DNER: variants seen among roughly 807,000 people sequenced by gnomAD.
The protein encoded by DNER is delta/notch like EGF repeat containing, also known as delta and Notch-like epidermal growth factor-related receptor.
DNER carries 33 observed loss-of-function variants against 78.2 expected under a neutral mutation model. That is an observed-to-expected ratio of 0.42 (90% CI 0.32 to 0.56). DNER has a LOEUF of 0.56. Ranked by LOEUF, DNER falls within the 20% of genes least tolerant of loss-of-function variation. The pLI, the probability that DNER is intolerant of heterozygous loss-of-function variation, is 0.11. For synonymous variants in DNER, 417 were observed against 384.8 expected (o/e 1.08, Z -0.98); for missense variants, 918 against 975.3 (o/e 0.94, Z 0.78).
chr2:229,707,180 ATTTTTTTTTTTTT>A (rs397868353), intron 1 of DNER, among the ~76,000 whole-genome samples: 1 of 94,610 alleles, frequency 1.1e-5, no homozygotes, highest in Non-Finnish European at 1.9e-5. Flanking sequence ...CGGCTGGCTA[ATTTTTTTTTTTTT>A]TTTTTTTTTT....
chr2:229,615,209 T>C (rs1226530025), intron 1 of DNER, among the ~76,000 whole-genome samples: 89 of 146,612 alleles, frequency 6.1e-4, no homozygotes, highest in Non-Finnish European at 7.6e-4. Context: ...GTCAGGAGTT[T>C]GAGACCAGCC....
At chr2:229,688,782 G>A (rs927804964) in intron 1 of DNER, among the ~76,000 whole-genome samples, 2 of 152,120 alleles carry the variant, frequency 1.3e-5, no homozygotes, top group Non-Finnish European at 2.9e-5. Context: ...GGATAATGTG[G>A]CACATACACA....
intron 4 of DNER, among the ~76,000 whole-genome samples, chr2:229,563,495 C>G (rs1574904549): frequency 6.7e-6 from 1 of 149,230 alleles, no homozygotes; most frequent in Non-Finnish European, 1.5e-5. Flanking sequence ...ATCCTCACCC[C>G]ATCATCATCA....
chr2:229,585,772 C>A, intron 4 of DNER, 86 bp downstream of exon 4: 1 of 1,456,808 alleles, frequency 6.9e-7, no homozygotes, highest in Non-Finnish European at 9.4e-7. Flanking sequence ...ATTATCTGAG[C>A]AAAATTCCCT....
chr2:229,701,442 C>A (rs927711861), intron 1 of DNER, among the ~76,000 whole-genome samples: 9 of 152,186 alleles, frequency 5.9e-5, no homozygotes, highest in African/African-American at 2.2e-4. Context: ...TTGGGACACA[C>A]TTATACAAAA....
chr2:229,410,770 C>A (rs1020984112), intron 9 of DNER, among the ~76,000 whole-genome samples: 1 of 152,164 alleles, frequency 6.6e-6, no homozygotes, highest in African/African-American at 2.4e-5. Context: ...AAGCAGTACA[C>A]CAATTATAAG....
chr2:229,495,863 C>T (rs944651989), intron 6 of DNER, among the ~76,000 whole-genome samples: 4 of 152,214 alleles, frequency 2.6e-5, no homozygotes, highest in Non-Finnish European at 5.9e-5. Context: ...CTCACTCATT[C>T]TCATATCATG....
At position 229,418,127 on chromosome 2, in the gene DNER, C is replaced by T. The variant is rs370898120; in HGVS notation, c.1590G>A (p.Val530=). The T allele has an allele frequency of 1.2e-6, 2 of 1,614,172 alleles. No homozygotes were observed. Among genetic ancestry groups the T allele is most frequent in the Non-Finnish European group, 1.7e-6 (2 of 1,180,004 alleles). Residue 530 remains valine (V), a synonymous_variant, in exon 9 of 13, where the codon GTG becomes GTA. Coordinates refer to ENST00000341772, the MANE Select transcript of DNER (RefSeq NM_139072.4). Reference sequence around the variant, plus strand: ...TCTCACCTTTGTATTCTGCCAGGCACACACACTCATAGCCATTAACGAGGT... The same window carrying T: ...TCTCACCTTTGTATTCTGCCAGGCATACACACTCATAGCCATTAACGAGGT... The part of the protein sequence containing the change: ...CRDLVNGYEC[V]CLAEYKGTHC...
intron 8 of DNER, among the ~76,000 whole-genome samples, chr2:229,428,061 C>T (rs1420108383): frequency 4.8e-5 from 6 of 126,010 alleles, no homozygotes; most frequent in South Asian, 2.5e-4. Context: ...GGTGACAGAG[C>T]GAGATTCCAT....
At chr2:229,553,756 T>C (rs1450993267) in intron 4 of DNER, among the ~76,000 whole-genome samples, 2 of 152,018 alleles carry the variant, frequency 1.3e-5, no homozygotes, top group Non-Finnish European at 1.5e-5. Flanking sequence ...GTTGAGAAAA[T>C]AGAAAACTGC....
intron 1 of DNER, among the ~76,000 whole-genome samples, chr2:229,707,180 A>ATTTTTTTTTT (rs397868353): frequency 8.5e-5 from 8 of 94,610 alleles, no homozygotes; most frequent in Admixed American, 1.4e-4. Flanking sequence ...CGGCTGGCTA[A>ATTTTTTTTTT]TTTTTTTTTT....
intron 6 of DNER, among the ~76,000 whole-genome samples, chr2:229,511,470 TC>T (rs1385669868): frequency 1.1e-4 from 17 of 152,144 alleles, no homozygotes; most frequent in Admixed American, 3.3e-4. Flanking sequence ...CACTGCACTC[TC>T]CCTAGAGGCC....
intron 1 of DNER, among the ~76,000 whole-genome samples, chr2:229,641,116 A>T (rs982902439): frequency 6.6e-6 from 1 of 152,214 alleles, no homozygotes; most frequent in African/African-American, 2.4e-5. Flanking sequence ...CAGGAGCTGG[A>T]GGATGCATGG....
intron 7 of DNER, among the ~76,000 whole-genome samples, chr2:229,471,228 C>G (rs1423316771): frequency 6.6e-6 from 1 of 152,020 alleles, no homozygotes; most frequent in Non-Finnish European, 1.5e-5. Flanking sequence ...TACACATTAT[C>G]TGAGAGATAA....
chr2:229,379,923 T>C (rs1692697253), intron 11 of DNER, among the ~76,000 whole-genome samples: 1 of 152,208 alleles, frequency 6.6e-6, no homozygotes, highest in African/African-American at 2.4e-5. Context: ...AAGAAAGTAG[T>C]TCTCACCCAT....
intron 10 of DNER, among the ~76,000 whole-genome samples, chr2:229,394,555 G>A (rs1693090736): frequency 2.0e-5 from 3 of 152,200 alleles, no homozygotes; most frequent in Admixed American, 2.0e-4. Flanking sequence ...AATCCCAGGT[G>A]GCAGCCACTT....
At chr2:229,436,082 T>C (rs1014006826) in intron 8 of DNER, among the ~76,000 whole-genome samples, 3 of 152,162 alleles carry the variant, frequency 2.0e-5, no homozygotes, top group African/African-American at 4.8e-5. Context: ...ACACAGTAAG[T>C]AGTTTTTCGA....
At chr2:229,670,673 A>G (rs1260915901) in intron 1 of DNER, among the ~76,000 whole-genome samples, 1 of 152,256 alleles carries the variant, frequency 6.6e-6, no homozygotes, top group African/African-American at 2.4e-5. Flanking sequence ...TTAAAAATGC[A>G]GGAATGGGAT....
intron 6 of DNER, among the ~76,000 whole-genome samples, chr2:229,492,315 C>T (rs1172816318): frequency 6.6e-6 from 1 of 152,162 alleles, no homozygotes; most frequent in Non-Finnish European, 1.5e-5. Flanking sequence ...CCTGACGTAC[C>T]ATGTCTCACT....
Sources: allele counts gnomAD v4.1 joint callset (sites outside exome capture counted in the v4.1 genomes callset), GRCh38; gene constraint gnomAD v4.1.1; transcripts MANE v1.5; gene names NCBI Gene and HGNC (gene_info 2026-07-23, HGNC 2026-07-21).